ZDHHC13: variants seen among roughly 807,000 people sequenced by gnomAD.
ZDHHC13 encodes palmitoyltransferase ZDHHC13.
In ZDHHC13, 85 loss-of-function variants were observed where a neutral mutation model predicts 86.0. The observed-to-expected ratio is 0.99, with a 90% confidence interval of 0.83 to 1.18. The LOEUF is 1.18. Ranked by LOEUF, ZDHHC13 falls within the 50% of genes most tolerant of loss-of-function variation. ZDHHC13 has a pLI of 0.00. For synonymous variants in ZDHHC13, 263 were observed against 246.4 expected, an observed-to-expected ratio of 1.07 and a Z score of -0.63; for missense variants, 711 against 730.2, an observed-to-expected ratio of 0.97 and a Z score of 0.30.
intron 9 of ZDHHC13, among the ~76,000 whole-genome samples, 176 bp downstream of exon 9, chr11:19,156,105 A>T (rs778784952): frequency 1.3e-5 from 2 of 152,208 alleles, no homozygotes; most frequent in African/African-American, 4.8e-5. Flanking sequence ...TATTTGGCTG[A>T]AAGCAAGTTG....
chr11:19,143,771 A>G (rs1263643017), intron 2 of ZDHHC13, among the ~76,000 whole-genome samples: 1 of 152,224 alleles, frequency 6.6e-6, no homozygotes, highest in South Asian at 2.1e-4. Context: ...ATTATTTCCA[A>G]CATTTTCACC....
chr11:19,131,382 A>G (rs537043975), intron 1 of ZDHHC13, among the ~76,000 whole-genome samples: 1 of 152,286 alleles, frequency 6.6e-6, no homozygotes, highest in South Asian at 2.1e-4. Flanking sequence ...CTTGGGATCC[A>G]TTAAACTTGT....
chr11:19,148,510 C>G (rs1849527814), intron 4 of ZDHHC13: 1 of 152,058 alleles, frequency 6.6e-6, no homozygotes, highest in African/African-American at 2.4e-5. Flanking sequence ...TTCTGTATAT[C>G]TGGCTTATGA....
At chr11:19,143,216 CTT>C in intron 2 of ZDHHC13, 93 bp downstream of exon 2, 1 of 1,335,836 alleles carries the variant, frequency 7.5e-7, no homozygotes, top group East Asian at 2.4e-5. Context: ...GTTTACCTCT[CTT>C]AACTTCATAA....
intron 4 of ZDHHC13, among the ~76,000 whole-genome samples, 163 bp downstream of exon 4, chr11:19,147,836 G>A (rs1028761567): frequency 2.8e-5 from 4 of 141,302 alleles, no homozygotes; most frequent in African/African-American, 7.6e-5. Context: ...GGATGTTTTC[G>A]ATATTTAATT....
intron 1 of ZDHHC13, among the ~76,000 whole-genome samples, chr11:19,132,972 G>A (rs1849035678): frequency 6.6e-6 from 1 of 152,106 alleles, no homozygotes; most frequent in African/African-American, 2.4e-5. Context: ...AGCCAACAAG[G>A]AGTAACCAGA....
intron 3 of ZDHHC13, among the ~76,000 whole-genome samples, chr11:19,146,506 T>C (rs1337562222): frequency 6.6e-6 from 1 of 152,126 alleles, no homozygotes; most frequent in African/African-American, 2.4e-5. Flanking sequence ...AAGGGAAAAT[T>C]AGAGATAAAG....
intron 10 of ZDHHC13, among the ~76,000 whole-genome samples, chr11:19,161,939 G>A (rs1764367497): frequency 6.6e-6 from 1 of 152,084 alleles, no homozygotes; most frequent in African/African-American, 2.4e-5. Flanking sequence ...GACAACAGCA[G>A]CTTCTCTGTC....
Position 19,156,136 on chromosome 11 carries a change from G to A in ZDHHC13, c.1007+207G>A, listed in dbSNP as rs532979700. ...AGTTGCTCAACCCAGTAACTTGGTT[G>A]ACTTGACAACTGGTGGAAAATAAAT... is the stretch of plus-strand genomic sequence containing the variant. On this transcript the variant is annotated intron_variant, in intron 9 of 16. Transcript: ENST00000446113. Among the ~76,000 whole-genome samples the A allele has an allele frequency of 2.0e-5, 3 of 152,260 alleles. No homozygotes were observed. In the South Asian group the frequency reaches 6.2e-4, roughly 32 times the overall value.
intron 1 of ZDHHC13, among the ~76,000 whole-genome samples, chr11:19,124,008 G>A (rs116552257): frequency 0.012 from 1,775 of 152,190 alleles, 35 homozygotes; most frequent in African/African-American, 0.04. Flanking sequence ...TAAAATGCAC[G>A]TTTTTTGACT....
intron 5 of ZDHHC13, among the ~76,000 whole-genome samples, chr11:19,150,459 A>G (rs1212116983): frequency 2.0e-5 from 3 of 152,038 alleles, no homozygotes; most frequent in Non-Finnish European, 2.9e-5. Flanking sequence ...GGTAGCTATC[A>G]ACATTTTACT....
intron 12 of ZDHHC13, 127 bp downstream of exon 12, chr11:19,164,490 C>T (rs1046270477): frequency 1.0e-5 from 9 of 874,160 alleles, no homozygotes; most frequent in Non-Finnish European, 1.1e-5. Context: ...TCTAATTTTA[C>T]ATTCCTGTCT....
In ZDHHC13 at chr11:19,133,012, AAG is replaced by A. The variant is rs527846482; in HGVS notation, c.28-9960_28-9959del. The stretch of plus-strand genomic sequence containing the variant: ...ATAAGGGCTACCATTCAAGAAGAAA[AAG>A]AGAGAAACCCAGTAAAAACACAAAA... On this transcript the variant is annotated intron_variant, in intron 1 of 16. Coordinates refer to ENST00000446113, the MANE Select transcript of ZDHHC13 (RefSeq NM_019028.3). Among the ~76,000 whole-genome samples, 7 of 152,338 alleles carry A rather than the reference AAG, an allele frequency of 4.6e-5. No homozygotes were observed. The South Asian group carries it at 1.5e-3, about 32-fold the overall frequency.
rs374126503 is a variant in ZDHHC13, at chr11:19,146,160, CT to C, written c.174-11del. On this transcript the variant is annotated intron_variant, in intron 2 of 16. Coordinates refer to ENST00000446113, the MANE Select transcript of ZDHHC13 (RefSeq NM_019028.3). ...AATGATTTTAATTGTATCAATTATG[CT>C]TTTTTTTTTCTTCTTTGAGATACGG... is the stretch of plus-strand genomic sequence containing the variant. 2.5e-3 allele frequency: 3,560 copies of C among 1,416,242 alleles called. 20 individuals carry two copies. The African/African-American group carries it at 0.028, about 11-fold the overall frequency. The allele number at this position is 1,416,242 out of a possible 1,614,324, so 87.7% of individuals were successfully genotyped here.
intron 1 of ZDHHC13, among the ~76,000 whole-genome samples, chr11:19,133,271 A>G (rs570994347): frequency 6.6e-6 from 1 of 152,118 alleles, no homozygotes; most frequent in Non-Finnish European, 1.5e-5. Context: ...TTTAACTGGT[A>G]CAACCATTTT....
Position 19,127,063 on chromosome 11 carries a change from A to G in ZDHHC13, c.27+9787A>G, listed in dbSNP as rs1848894909. On this transcript the variant is annotated intron_variant, in intron 1 of 16. Transcript: ENST00000446113. The stretch of plus-strand genomic sequence containing the variant: ...TGCTTTCCACAATGAACTAATTTTC[A>G]CTCCCATCAACAGTGTATAAGCATT... Among the ~76,000 whole-genome samples the G allele has an allele frequency of 2.6e-5, 4 of 151,928 alleles. No homozygotes were observed. The South Asian group carries it at 8.3e-4, about 32-fold the overall frequency.
chr11:19,150,646 T>G, intron 5 of ZDHHC13, 81 bp from the exon 6 acceptor site: 1 of 1,205,044 alleles, frequency 8.3e-7, no homozygotes, highest in Non-Finnish European at 1.2e-6. Context: ...ATTGAATGTA[T>G]TAAAGAGATA....
chr11:19,174,661 T>C (rs1850311527), intron 16 of ZDHHC13, among the ~76,000 whole-genome samples: 1 of 152,214 alleles, frequency 6.6e-6, no homozygotes, highest in South Asian at 2.1e-4. Context: ...ACTTCCGAAA[T>C]TTAATGGAGA....
rs779921500 is a variant in ZDHHC13, at chr11:19,166,255, CA to C, written c.1391-46del. 4.0e-6 allele frequency: 6 copies of C among 1,498,558 alleles called. No individual in the cohort carries two copies. The African/African-American group carries it at 7.0e-5, about 17-fold the overall frequency. 92.8% of individuals were successfully genotyped at this position (1,498,558 alleles called of 1,614,324 possible). On this transcript the variant is annotated intron_variant, in intron 13 of 16. Transcript: ENST00000446113. ...GTTAAGGAGGTCTTATGTTGAAAAT[CA>C]GAAGAAACGAAAATATTAAGTATGT...
Sources: gnomAD v4.1 joint callset for allele counts (sites outside exome capture counted in the v4.1 genomes callset) on GRCh38, gnomAD v4.1.1 for gene constraint, MANE v1.5 for transcripts, NCBI Gene and HGNC (gene_info 2026-07-23, HGNC 2026-07-21) for gene names.